The following RAP1GAP2 variants were observed in gnomAD, a reference collection of about 807,000 sequenced individuals.
RAP1GAP2 encodes the protein RAP1 GTPase activating protein 2, also known as rap1 GTPase-activating protein 2.
Under a neutral mutation model 95.0 loss-of-function variants are expected in RAP1GAP2, and 27 were observed. The observed-to-expected ratio is 0.28, with a 90% CI of 0.21 to 0.39. RAP1GAP2 has a LOEUF of 0.39. Ranked by LOEUF, RAP1GAP2 falls within the 10% of genes least tolerant of loss-of-function variation. The pLI is 1.00. For synonymous variants in RAP1GAP2, 373 were observed against 380.9 expected, an observed-to-expected ratio of 0.98 and a Z score of 0.24; for missense variants, 771 against 970.0, an observed-to-expected ratio of 0.79 and a Z score of 2.72.
intron 13 of RAP1GAP2, among the ~76,000 whole-genome samples, chr17:2,996,964 A>G (rs1347353822): frequency 6.6e-6 from 1 of 152,204 alleles, no homozygotes; most frequent in Non-Finnish European, 1.5e-5. Flanking sequence ...CCAGGACTCG[A>G]CATACAGGAG....
At chr17:2,891,814 C>CTTTTTTTTTTTTTTTTTTTTT (rs917540694) in intron 2 of RAP1GAP2, among the ~76,000 whole-genome samples, 3 of 54,290 alleles carry the variant, frequency 5.5e-5, no homozygotes, top group African/African-American at 1.4e-4. Context: ...TATTTCTTTT[C>CTTTTTTTTTTTTTTTTTTTTT]TTTTTTTTTT....
intron 2 of RAP1GAP2, among the ~76,000 whole-genome samples, chr17:2,895,554 C>G (rs1210521057): frequency 6.7e-6 from 1 of 150,220 alleles, no homozygotes; most frequent in African/African-American, 2.5e-5. Flanking sequence ...ACCCTTGAGG[C>G]CTGTTTGCTG....
At chr17:2,790,591 GA>G (rs111671227) in intron 1 of RAP1GAP2, among the ~76,000 whole-genome samples, 4,033 of 152,290 alleles carry the variant, frequency 0.026, 191 homozygotes, top group African/African-American at 0.091. Flanking sequence ...ACTGGGGCTG[GA>G]ATGGGTACTA....
At chr17:2,770,054 CAG>C (rs1190732030) in intron 1 of RAP1GAP2, among the ~76,000 whole-genome samples, 1 of 123,540 alleles carries the variant, frequency 8.1e-6, no homozygotes, top group African/African-American at 3.2e-5. Context: ...GCCTGGGCAA[CAG>C]AGAGAGACTC....
intron 2 of RAP1GAP2, among the ~76,000 whole-genome samples, chr17:2,815,895 G>A (rs761814247): frequency 6.6e-6 from 1 of 152,220 alleles, no homozygotes; most frequent in African/African-American, 2.4e-5. Flanking sequence ...ATTGTGTACC[G>A]GGACCCAGGC....
Position 3,003,859 on chromosome 17 carries a change from C to T in RAP1GAP2, c.1201-1510C>T, listed in dbSNP as rs1454936671. 2.6e-5 allele frequency among the ~76,000 whole-genome samples: 4 copies of T among 152,132 alleles called. No individual in the cohort carries two copies. The highest frequency in any genetic ancestry group is 2.9e-5 in the Non-Finnish European group (2 of 68,018). ...GCGCACAATGAGGATGGAAGGTGAA[C>T]GCACGTCGCAAGGAAGGGCCCTGTC... On this transcript the variant is annotated intron_variant, in intron 14 of 24. Transcript: ENST00000254695. The surrounding 1 kb of genome is among the most constrained non-coding windows in gnomAD (Gnocchi z 4.1).
chr17:2,997,541 G>T (rs1336374490), intron 13 of RAP1GAP2, among the ~76,000 whole-genome samples: 1 of 152,150 alleles, frequency 6.6e-6, no homozygotes, highest in Non-Finnish European at 1.5e-5. Context: ...CTGAGTCAGG[G>T]ATCTGCATGC....
chr17:2,820,616 T>C (rs2070245446), intron 2 of RAP1GAP2, among the ~76,000 whole-genome samples: 1 of 135,550 alleles, frequency 7.4e-6, no homozygotes, highest in African/African-American at 3.1e-5. Context: ...AGAGACACCG[T>C]CTCAAAAAAA....
intron 8 of RAP1GAP2, among the ~76,000 whole-genome samples, chr17:2,970,616 A>C (rs2044826141): frequency 6.6e-6 from 1 of 152,174 alleles, no homozygotes; most frequent in African/African-American, 2.4e-5. Flanking sequence ...GTGTTGTTTA[A>C]ATTTATAATC....
At position 3,018,053 on chromosome 17, in the gene RAP1GAP2, C is replaced by A; in HGVS notation, c.1495-8C>A. The A allele has an allele frequency of 6.3e-7, 1 of 1,575,818 alleles. No individual in the cohort carries two copies. The highest frequency in any genetic ancestry group is 2.4e-5 in the East Asian group (1 of 42,460). ...GCTGATTCTCAGGCCCTTGTTCTCTCCCCGTAGAGGGCCATCCGCGTACGC... is the reference window on the plus strand; with the variant it reads ...GCTGATTCTCAGGCCCTTGTTCTCTACCCGTAGAGGGCCATCCGCGTACGC... On this transcript the variant is annotated splice_region_variant and splice_polypyrimidine_tract_variant and intron_variant, in intron 17 of 24. Coordinates refer to ENST00000254695, the MANE Select transcript of RAP1GAP2 (RefSeq NM_015085.5).
chr17:2,762,866 A>G (rs28404606), intron 1 of RAP1GAP2, among the ~76,000 whole-genome samples: 57,890 of 151,548 alleles, frequency 0.38, 11,580 homozygotes, highest in East Asian at 0.53. Flanking sequence ...TGTAGAGATA[A>G]GGTTTTGCCA....
In RAP1GAP2 at chr17:2,875,947, T is replaced by TG. The variant is rs199639133; in HGVS notation, c.81-29337_81-29336insG. ...ATTGTTTTTTGTTTGTTTGTTTGTT[T>TG]TTTTTTTTGAGATGGAATCTGGCTC... On this transcript the variant is annotated intron_variant, in intron 2 of 24. Coordinates refer to ENST00000254695, the MANE Select transcript of RAP1GAP2 (RefSeq NM_015085.5). Among the ~76,000 whole-genome samples, 629 of 151,542 alleles carry TG rather than the reference T, an allele frequency of 4.2e-3. 6 individuals carry two copies. Among genetic ancestry groups the TG allele is most frequent in the Middle Eastern group, 0.027 (8 of 294 alleles).
chr17:2,931,218 C>T (rs954166511), intron 3 of RAP1GAP2, among the ~76,000 whole-genome samples: 1 of 151,540 alleles, frequency 6.6e-6, no homozygotes, highest in Non-Finnish European at 1.5e-5. Context: ...TGGTCCCCAC[C>T]TTTTGGGCTG....
intron 3 of RAP1GAP2, among the ~76,000 whole-genome samples, chr17:2,929,553 G>A (rs546097408): frequency 1.9e-4 from 29 of 152,256 alleles, no homozygotes; most frequent in African/African-American, 6.5e-4. Flanking sequence ...GTCATTCCTC[G>A]TAGGGATCGT....
chr17:2,883,498 C>A (rs1597505159), intron 2 of RAP1GAP2, among the ~76,000 whole-genome samples: 1 of 152,196 alleles, frequency 6.6e-6, no homozygotes, highest in Non-Finnish European at 1.5e-5. Flanking sequence ...AGGGAAGCGC[C>A]TTCGATCTAA....
At chr17:2,927,007 A>G (rs2042978371) in intron 3 of RAP1GAP2, among the ~76,000 whole-genome samples, 1 of 86,358 alleles carries the variant, frequency 1.2e-5, no homozygotes, top group Admixed American at 1.1e-4. Flanking sequence ...CTCCATCTCA[A>G]AAAAAAAAAA....
At chr17:3,010,909 A>AT (rs147716031) in intron 17 of RAP1GAP2, among the ~76,000 whole-genome samples, 7,950 of 151,676 alleles carry the variant, frequency 0.052, 271 homozygotes, top group Non-Finnish European at 0.076. Context: ...TTGTGACCAG[A>AT]TTTTTTTTAA....
chr17:2,859,690 C>G (rs2072294128), intron 2 of RAP1GAP2, among the ~76,000 whole-genome samples: 1 of 152,194 alleles, frequency 6.6e-6, no homozygotes, highest in Non-Finnish European at 1.5e-5. Context: ...CCCACCTCGG[C>G]CTTCCAATGT....
intron 2 of RAP1GAP2, among the ~76,000 whole-genome samples, chr17:2,837,960 A>G (rs1394230984): frequency 6.9e-6 from 1 of 143,980 alleles, no homozygotes; most frequent in Non-Finnish European, 1.5e-5. Flanking sequence ...TAGCCTTTCT[A>G]GGTTTCGGTT....
Sources: gnomAD v4.1 joint callset for allele counts (sites outside exome capture counted in the v4.1 genomes callset) on GRCh38, gnomAD v4.1.1 for gene constraint, Gnocchi (gnomAD v3.1) non-coding constraint, MANE v1.5 for transcripts, NCBI Gene and HGNC (gene_info 2026-07-23, HGNC 2026-07-21) for gene names.